CNTN1: variants seen among roughly 807,000 people sequenced by gnomAD.
CNTN1 encodes contactin-1.
CNTN1 carries 38 observed loss-of-function variants against 126.4 expected under a neutral mutation model. The observed-to-expected ratio is 0.30, with a 90% CI of 0.23 to 0.39. The LOEUF (loss-of-function observed/expected upper bound fraction) is 0.39. CNTN1 is among the 10% of genes least tolerant of loss of function. The probability of loss-of-function intolerance (pLI) is 1.00; values close to 1 mark genes in which losing one functional copy is unlikely to be tolerated. For missense variants in CNTN1, 1,009 were observed against 1,248.4 expected (o/e 0.81, Z 2.89); for synonymous variants, 413 against 422.6 (o/e 0.98, Z 0.28).
At chr12:41,050,265 T>C (rs1949641968) in intron 23 of CNTN1, among the ~76,000 whole-genome samples, 1 of 152,198 alleles carries the variant, frequency 6.6e-6, no homozygotes, top group Admixed American at 6.5e-5. Flanking sequence ...CATTAGTCCA[T>C]TCTCATACTG....
At chr12:40,766,462 G>A (rs1355294375) in intron 1 of CNTN1, among the ~76,000 whole-genome samples, 1 of 152,018 alleles carries the variant, frequency 6.6e-6, no homozygotes, top group East Asian at 1.9e-4. Flanking sequence ...GAAATAATCA[G>A]AGAACTGTAC....
In CNTN1 at chr12:40,883,975, A is replaced by T. The variant is rs117313518; in HGVS notation, c.-76-24382A>T. Among the ~76,000 whole-genome samples the T allele has an allele frequency of 6.1e-4, 92 of 151,668 alleles. 1 individual carries two copies. In the East Asian group the frequency reaches 0.015, roughly 25 times the overall value. On this transcript the variant is annotated intron_variant, in intron 1 of 23. Transcript: ENST00000551295. ...TATCCTTTATCATAGGAAAATGTGG[A>T]TATACAAAAAATATGCTAAGATAAT...
intron 11 of CNTN1, 82 bp from the exon 12 acceptor site, chr12:40,939,253 G>A: frequency 4.1e-6 from 6 of 1,446,608 alleles, no homozygotes; most frequent in African/African-American, 1.4e-5. Context: ...CTATTAAGGA[G>A]AATAAAAGAT....
intron 1 of CNTN1, among the ~76,000 whole-genome samples, chr12:40,707,507 C>T (rs949928505): frequency 9.9e-5 from 15 of 152,118 alleles, no homozygotes; most frequent in Admixed American, 2.0e-4. Flanking sequence ...CCGCCTCGGC[C>T]TCCCAAAGGG....
intron 1 of CNTN1, among the ~76,000 whole-genome samples, chr12:40,785,963 C>T (rs544277311): frequency 3.3e-4 from 50 of 152,222 alleles, no homozygotes; most frequent in South Asian, 1.5e-3. Flanking sequence ...GATTACATTT[C>T]GACATGAGAT....
intron 1 of CNTN1, among the ~76,000 whole-genome samples, chr12:40,826,659 G>T (rs1028890237): frequency 2.0e-5 from 3 of 152,150 alleles, no homozygotes; most frequent in African/African-American, 7.2e-5. Context: ...ACCTTCAAGG[G>T]CTGATATCAA....
chr12:40,917,062 G>GTGGT (rs1945271358), intron 3 of CNTN1, among the ~76,000 whole-genome samples: 2 of 102,546 alleles, frequency 2.0e-5, no homozygotes, highest in African/African-American at 3.7e-5. Context: ...TGGTGGGGGC[G>GTGGT]GGGGGGGGGG....
intron 23 of CNTN1, chr12:41,061,702 A>G: frequency 2.4e-6 from 1 of 420,818 alleles, no homozygotes. Context: ...CTAGAATTAC[A>G]GACTCAGGGC....
At chr12:41,017,007 T>C in intron 19 of CNTN1, 91 bp downstream of exon 19, 2 of 1,012,212 alleles carry the variant, frequency 2.0e-6, no homozygotes, top group Non-Finnish European at 3.1e-6. Flanking sequence ...AGGCCTTACT[T>C]ATTAAGACCT....
intron 17 of CNTN1, among the ~76,000 whole-genome samples, chr12:40,996,182 A>G (rs1406363702): frequency 6.7e-6 from 1 of 149,974 alleles, no homozygotes; most frequent in Non-Finnish European, 1.5e-5. Context: ...CTTTTTTTGG[A>G]GTGCAGTGGC....
At chr12:40,924,816 C>T (rs1476789197) in intron 6 of CNTN1, among the ~76,000 whole-genome samples, 164 bp downstream of exon 6, 7 of 148,862 alleles carry the variant, frequency 4.7e-5, no homozygotes, top group African/African-American at 1.7e-4. Context: ...GTTGTGGACA[C>T]TTTCTTTCTT....
At chr12:40,908,602 G>A (rs374782419) in intron 2 of CNTN1, 109 bp downstream of exon 2, 1 of 732,832 alleles carries the variant, frequency 1.4e-6, no homozygotes, top group African/African-American at 1.8e-5. Flanking sequence ...TCGACATCTG[G>A]GTCAGATAAG....
chr12:40,939,197 T>C (rs910498281), intron 11 of CNTN1, 138 bp from the exon 12 acceptor site: 3 of 873,714 alleles, frequency 3.4e-6, no homozygotes, highest in Non-Finnish European at 5.3e-6. Context: ...AGAATGCCTA[T>C]TGGTGACAGC....
At chr12:41,025,751 G>T (rs1227370589) in intron 21 of CNTN1, among the ~76,000 whole-genome samples, 1 of 152,088 alleles carries the variant, frequency 6.6e-6, no homozygotes, top group African/African-American at 2.4e-5. Flanking sequence ...CAAGTTAAGT[G>T]TGTAGCATTA....
chr12:41,023,730 T>G (rs1474265839), intron 20 of CNTN1, among the ~76,000 whole-genome samples: 4 of 152,188 alleles, frequency 2.6e-5, no homozygotes, highest in Non-Finnish European at 5.9e-5. Context: ...AAAGTTTAAA[T>G]TATTATGGTG....
At chr12:41,059,882 TG>T (rs948182699) in intron 23 of CNTN1, among the ~76,000 whole-genome samples, 3 of 151,978 alleles carry the variant, frequency 2.0e-5, no homozygotes, top group African/African-American at 7.2e-5. Flanking sequence ...AAAACTTAGC[TG>T]GGAATGGTCA....
chr12:40,877,613 CA>C lies in CNTN1; in HGVS notation c.-76-30743del, dbSNP rs1943714266. ...AATGACACAAGTTTCTCCTATGTAA[CA>C]GTCTCTGAATCAAACTAAGAAAAGG... is the stretch of plus-strand genomic sequence containing the variant. On this transcript the variant is annotated intron_variant, in intron 1 of 23. Transcript: ENST00000551295. Among the ~76,000 whole-genome samples, 4 of 152,164 alleles carry C rather than the reference CA, an allele frequency of 2.6e-5. No individual in the cohort carries two copies. The South Asian group carries it at 8.3e-4, about 32-fold the overall frequency.
intron 1 of CNTN1, among the ~76,000 whole-genome samples, chr12:40,795,021 A>G (rs904446035): frequency 6.6e-6 from 1 of 152,116 alleles, no homozygotes; most frequent in Non-Finnish European, 1.5e-5. Context: ...TAATATCTGC[A>G]ATCAGTTGAT....
chr12:40,924,701 C>T (rs1945575170), intron 6 of CNTN1, 49 bp downstream of exon 6: 3 of 981,900 alleles, frequency 3.1e-6, no homozygotes, highest in Non-Finnish European at 3.3e-6. Context: ...ACAAAATGGA[C>T]AAGTTTCCAT....
Sources: gnomAD v4.1 joint callset for allele counts (sites outside exome capture counted in the v4.1 genomes callset) on GRCh38, gnomAD v4.1.1 for gene constraint, MANE v1.5 for transcripts, NCBI Gene and HGNC (gene_info 2026-07-23, HGNC 2026-07-21) for gene names.